The following ANK3 variants were observed in gnomAD, a reference collection of about 807,000 sequenced individuals.
ANK3 encodes the protein ankyrin-3.
A neutral mutation model predicts 370.9 loss-of-function variants in ANK3; 57 were observed. That is an observed-to-expected ratio of 0.15 (90% CI 0.12 to 0.19). The LOEUF is 0.19. Ranked by LOEUF, ANK3 falls within the 10% of genes least tolerant of loss-of-function variation. The pLI, the probability that ANK3 is intolerant of heterozygous loss-of-function variation, is 1.00. For missense variants in ANK3, 4,439 were observed against 5,302.1 expected, an observed-to-expected ratio of 0.84 and a Z score of 5.06; for synonymous variants, 1,929 against 1,946.3, an observed-to-expected ratio of 0.99 and a Z score of 0.23.
At chr10:60,684,609 T>A in intron 1 of ANK3, 1 of 1,589,946 alleles carries the variant, frequency 6.3e-7, no homozygotes, top group East Asian at 2.3e-5. Flanking sequence ...GAAAGACAAC[T>A]GTCTTATACA....
intron 2 of ANK3, among the ~76,000 whole-genome samples, chr10:60,613,888 A>G (rs763360461): frequency 2.0e-5 from 3 of 152,358 alleles, no homozygotes; most frequent in South Asian, 2.1e-4. Context: ...AGCCTGGCCA[A>G]CCTGGCGAAA....
chr10:60,444,672 C>T (rs990961189), intron 2 of ANK3, among the ~76,000 whole-genome samples: 2 of 151,990 alleles, frequency 1.3e-5, no homozygotes, highest in African/African-American at 4.8e-5. Flanking sequence ...ATTTTTGTCA[C>T]TAGAGGGAGT....
chr10:60,221,229 G>A (rs1358645283), intron 8 of ANK3, among the ~76,000 whole-genome samples: 2 of 151,918 alleles, frequency 1.3e-5, no homozygotes, highest in East Asian at 3.9e-4. Flanking sequence ...ACAGGCGCCT[G>A]CCACCACGCC....
In ANK3 at chr10:60,132,472, A is replaced by G. The variant is rs182272157; in HGVS notation, c.2841+1799T>C. On this transcript the variant is annotated intron_variant, in intron 25 of 43. Coordinates refer to ENST00000280772, the MANE Select transcript of ANK3 (RefSeq NM_020987.5). Reference sequence around the variant, plus strand: ...CTCTTCTTGCCTGCCACCATGTAAGATGTCTCTTTCTCTTCCACAATAATT... The same window carrying G: ...CTCTTCTTGCCTGCCACCATGTAAGGTGTCTCTTTCTCTTCCACAATAATT... Among the ~76,000 whole-genome samples, 799 of 152,186 alleles carry G rather than the reference A, an allele frequency of 5.3e-3. 2 individuals carry two copies. Among genetic ancestry groups the G allele is most frequent in the Non-Finnish European group, 9.6e-3 (654 of 68,008 alleles).
intron 1 of ANK3, among the ~76,000 whole-genome samples, chr10:60,712,256 G>A (rs2079720572): frequency 6.6e-6 from 1 of 152,180 alleles, no homozygotes; most frequent in Admixed American, 6.5e-5. Flanking sequence ...GTAATTCAGT[G>A]ATTATAGCTT....
At chr10:60,678,178 A>G (rs1339510961) in intron 1 of ANK3, among the ~76,000 whole-genome samples, 2 of 152,264 alleles carry the variant, frequency 1.3e-5, no homozygotes, top group Admixed American at 1.3e-4. Context: ...TTTCAAAACC[A>G]TAACAGAAAT....
chr10:60,512,112 A>C (rs747691163), intron 2 of ANK3, among the ~76,000 whole-genome samples: 52 of 152,090 alleles, frequency 3.4e-4, no homozygotes, highest in Non-Finnish European at 5.7e-4. Flanking sequence ...AATTAAAAAA[A>C]AGTACAAGGT....
At chr10:60,640,503 T>C (rs1358465828) in intron 1 of ANK3, among the ~76,000 whole-genome samples, 2 of 131,906 alleles carry the variant, frequency 1.5e-5, no homozygotes, top group Non-Finnish European at 3.3e-5. Flanking sequence ...TCAATAAATG[T>C]AATCCAGCAT....
chr10:60,491,822 T>A (rs2075514913), intron 2 of ANK3, among the ~76,000 whole-genome samples: 1 of 152,116 alleles, frequency 6.6e-6, no homozygotes, highest in African/African-American at 2.4e-5. Context: ...GGGCAGGTAG[T>A]TTCATCTCTC....
chr10:60,663,224 G>C (rs1046782385), intron 1 of ANK3, among the ~76,000 whole-genome samples: 2 of 152,172 alleles, frequency 1.3e-5, no homozygotes, highest in African/African-American at 2.4e-5. Context: ...TCTGATTCAA[G>C]AAACTACTAC....
chr10:60,134,509 T>G, intron 24 of ANK3, 136 bp from the exon 25 acceptor site: 1 of 592,834 alleles, frequency 1.7e-6, no homozygotes, highest in Non-Finnish European at 2.9e-6. Flanking sequence ...AAGGACATAG[T>G]GAAAAGTAAA....
chr10:60,456,913 T>C (rs2064762749), intron 2 of ANK3, among the ~76,000 whole-genome samples: 2 of 152,180 alleles, frequency 1.3e-5, no homozygotes. Context: ...TTCTTCTTAC[T>C]GCTCCTCTCT....
chr10:60,195,244 T>C (rs879835462), intron 16 of ANK3, among the ~76,000 whole-genome samples: 2 of 151,698 alleles, frequency 1.3e-5, no homozygotes, highest in Non-Finnish European at 2.9e-5. Context: ...ATTGGCCAGG[T>C]GTGGTGGCAG....
At chr10:60,234,060 T>C (rs1330457379) in intron 8 of ANK3, among the ~76,000 whole-genome samples, 1 of 152,226 alleles carries the variant, frequency 6.6e-6, no homozygotes. Context: ...TCATCAATGC[T>C]GTAGCATGCA....
rs2393604 is a variant in ANK3, at chr10:60,042,595, A to T, written c.*19+77T>A. 0.75 allele frequency: 1,029,279 copies of T among 1,367,112 alleles called. 389,797 individuals are homozygous for T. The highest frequency in any genetic ancestry group is 0.79 in the East Asian group (33,534 of 42,576). The allele number at this position is 1,367,112 out of a possible 1,614,324, so 84.7% of individuals were successfully genotyped here. ...TGAAAAGGAAAGGACGGGGAAAATCAGAATCACTTATTTAGTGAAAAATAT... is the reference window on the plus strand; with the variant it reads ...TGAAAAGGAAAGGACGGGGAAAATCTGAATCACTTATTTAGTGAAAAATAT... On this transcript the variant is annotated intron_variant, in intron 43 of 43. Transcript: ENST00000280772.
chr10:60,098,698 C>T (rs1375071302), intron 28 of ANK3, among the ~76,000 whole-genome samples: 1 of 152,134 alleles, frequency 6.6e-6, no homozygotes, highest in African/African-American at 2.4e-5. Context: ...ATTATAAATT[C>T]ATGGGGCATG....
chr10:60,692,477 T>C (rs978185732), intron 1 of ANK3, among the ~76,000 whole-genome samples: 2 of 152,220 alleles, frequency 1.3e-5, no homozygotes, highest in African/African-American at 4.8e-5. Context: ...CATTTCTAGT[T>C]TTCCCTAAAA....
In ANK3 at chr10:60,198,536, T is replaced by C; in HGVS notation, c.1493A>G (p.Asp498Gly). 6.2e-7 allele frequency: 1 copy of C among 1,613,832 alleles called. No homozygotes were observed. The highest frequency in any genetic ancestry group is 8.5e-7 in the Non-Finnish European group (1 of 1,179,770). ...TGAAATGTGGAGTGGTGTTTGGTCA[T>C]CCTAAACAGCAAGGTAGAAATGTAA... is the stretch of plus-strand genomic sequence containing the variant. ...DGAQVEAKAK[D>G]DQTPLHISAR... The change falls in exon 14 of 44, where the codon GAT becomes GGT. Residue 498 changes from aspartate (D) to glycine (G), a missense_variant and splice_region_variant. By Grantham distance (94) the Asp-to-Gly change is moderately conservative. Around this residue, in one of 13 missense-constraint regions of ANK3, gnomAD observed 227 missense variants for 377.6 expected, o/e 0.60. Transcript: ENST00000280772.
At chr10:60,302,846 A>C (rs182301445) in intron 1 of ANK3, among the ~76,000 whole-genome samples, 2,504 of 151,102 alleles carry the variant, frequency 0.017, 37 homozygotes, top group African/African-American at 0.04. Context: ...CAAACAACAA[A>C]AAAAAAAACC....
Sources: allele counts gnomAD v4.1 joint callset (sites outside exome capture counted in the v4.1 genomes callset), GRCh38; gene constraint gnomAD v4.1.1; regional missense constraint gnomAD v4.1.1; transcripts MANE v1.5; gene names NCBI Gene and HGNC (gene_info 2026-07-23, HGNC 2026-07-21).